Variants in ZNF185 observed in about 807,000 individuals in gnomAD.
ZNF185 encodes the protein zinc finger protein 185 with LIM domain, also known as zinc finger protein 185.
In ZNF185, 56 loss-of-function variants were observed where a neutral mutation model predicts 58.6. The ratio of observed to expected loss-of-function variants is 0.95; its 90% CI spans 0.77 to 1.19. The LOEUF (loss-of-function observed/expected upper bound fraction) is 1.19. Ranked by LOEUF, ZNF185 falls within the 50% of genes most tolerant of loss-of-function variation. The pLI is 0.00. For missense variants in ZNF185, 627 were observed against 573.5 expected, an observed-to-expected ratio of 1.09 and a Z score of -0.95; for synonymous variants, 230 against 215.9, an observed-to-expected ratio of 1.07 and a Z score of -0.57.
chrX:152,937,524 T>A (rs2046450834), intron 14 of ZNF185, among the ~76,000 whole-genome samples: 1 of 111,298 alleles, frequency 9.0e-6, no homozygotes. Flanking sequence ...GCTCTTGCTC[T>A]CTCTCTTTCT....
rs1556866225 is a variant in ZNF185, at chrX:152,917,118, T to C, written c.225-13T>C. ...AAGCCTCGCTTCACTCCACCCCTTC[T>C]TCTCTTCGGCAGGCCTCCGAGCACA... On this transcript the variant is annotated splice_polypyrimidine_tract_variant and intron_variant, in intron 3 of 22. Coordinates refer to ENST00000449285, the Ensembl canonical transcript of ZNF185. The C allele has an allele frequency of 2.5e-6, 3 of 1,211,668 alleles. No individual in the cohort carries two copies. Among genetic ancestry groups the C allele is most frequent in the Non-Finnish European group, 3.4e-6 (3 of 895,477 alleles).
intron 15 of ZNF185, among the ~76,000 whole-genome samples, chrX:152,938,720 T>G (rs1300904894): frequency 9.0e-6 from 1 of 111,112 alleles, no homozygotes; most frequent in Non-Finnish European, 1.9e-5. Flanking sequence ...TCTCATACGG[T>G]TCTCCTCACA....
At chrX:152,905,196 C>T in the ZNF185 span, among the ~76,000 whole-genome samples, 1 of 112,932 alleles carries the variant, frequency 8.9e-6, no homozygotes, top group Non-Finnish European at 1.9e-5. Flanking sequence ...GCGCCGGGGC[C>T]TCCTGAACAT....
At chrX:152,914,204 G>A, upstream of ZNF185, among the ~76,000 whole-genome samples, 1 of 111,807 alleles carries the variant, frequency 8.9e-6, no homozygotes, top group South Asian at 3.7e-4. Context: ...GGCAGCCCCT[G>A]AGCTCCACAT....
At chrX:152,939,122 G>A (rs964358689) in intron 15 of ZNF185, among the ~76,000 whole-genome samples, 42 of 111,810 alleles carry the variant, frequency 3.8e-4, no homozygotes, top group African/African-American at 1.3e-3. Context: ...AAGCCAAAGG[G>A]GAGTCTCATG....
intron 6 of ZNF185, among the ~76,000 whole-genome samples, chrX:152,918,489 C>T (rs1448727632): frequency 1.8e-5 from 2 of 113,030 alleles, no homozygotes; most frequent in African/African-American, 6.4e-5. Flanking sequence ...GCCCTGCACC[C>T]GGCCGAGCCT....
chrX:152,907,808 T>G, the ZNF185 span, among the ~76,000 whole-genome samples: 1 of 112,675 alleles, frequency 8.9e-6, no homozygotes, highest in Non-Finnish European at 1.9e-5. Context: ...GCAGAGGGTG[T>G]CAGAAAAGCC....
chrX:152,964,106 C>T (rs2049855687), intron 18 of ZNF185, among the ~76,000 whole-genome samples, 157 bp downstream of exon 20: 1 of 112,563 alleles, frequency 8.9e-6, no homozygotes, highest in Non-Finnish European at 1.9e-5. Context: ...CAGTGTTAGT[C>T]CCCTAATATA....
intron 11 of ZNF185, among the ~76,000 whole-genome samples, chrX:152,927,941 T>C (rs1215880907): frequency 8.9e-6 from 1 of 112,555 alleles, no homozygotes; most frequent in Non-Finnish European, 1.9e-5. Flanking sequence ...CTATATTCTC[T>C]CTGGCCCTGG....
At chrX:152,963,733 A>G (rs1456979882) in intron 17 of ZNF185, 106 bp from the exon 20 acceptor site, 5 of 626,322 alleles carry the variant, frequency 8.0e-6, no homozygotes, top group Non-Finnish European at 1.2e-5. Flanking sequence ...TCTTGGAGGA[A>G]GCTTCAAGAG....
upstream of ZNF185, among the ~76,000 whole-genome samples, chrX:152,910,219 T>G (rs1234499179): frequency 1.8e-5 from 2 of 111,843 alleles, no homozygotes; most frequent in African/African-American, 6.5e-5. Flanking sequence ...TGGTATCAAC[T>G]CTTGAGACTA....
Position 152,922,703 on chromosome X carries a change from G to A in ZNF185, c.741-17G>A, listed in dbSNP as rs782314993. The stretch of plus-strand genomic sequence containing the variant: ...TCTGACATCTCCAGAGCCTCTCACA[G>A]CCACCTTCTTTGCCAGTGCGGATGG... On this transcript the variant is annotated splice_polypyrimidine_tract_variant and intron_variant, in intron 10 of 22. Coordinates refer to ENST00000449285, the Ensembl canonical transcript of ZNF185. The A allele has an allele frequency of 1.7e-6, 2 of 1,189,232 alleles. No individual in the cohort carries two copies. The highest frequency in any genetic ancestry group is 3.7e-5 in the South Asian group (2 of 53,797).
At chrX:152,911,206 G>C (rs1029544401), upstream of ZNF185, among the ~76,000 whole-genome samples, 14 of 112,109 alleles carry the variant, frequency 1.2e-4, no homozygotes, top group African/African-American at 4.5e-4. Flanking sequence ...GCAGGGCTTA[G>C]CTCGGCGGAA....
intron 11 of ZNF185, among the ~76,000 whole-genome samples, chrX:152,923,788 A>G (rs1556870989): frequency 9.0e-6 from 1 of 111,671 alleles, no homozygotes; most frequent in African/African-American, 3.3e-5. Context: ...GGCAGTAATG[A>G]TCTCTAGCTT....
intron 16 of ZNF185, among the ~76,000 whole-genome samples, chrX:152,954,984 G>A (rs2048680792): frequency 2.7e-5 from 3 of 111,338 alleles, no homozygotes; most frequent in African/African-American, 6.5e-5. Context: ...GGGAAATGAC[G>A]TACAGAAATT....
At chrX:152,916,969 T>G (rs782339646) in intron 3 of ZNF185, among the ~76,000 whole-genome samples, 162 bp from the exon 5 acceptor site, 25 of 112,604 alleles carry the variant, frequency 2.2e-4, no homozygotes, top group African/African-American at 8.1e-4. Flanking sequence ...GGGCACCTGA[T>G]CAGGGGCACA....
exon 16 of ZNF185, chrX:152,945,382 C>G: frequency 1.7e-6 from 2 of 1,207,504 alleles, no homozygotes; most frequent in South Asian, 3.6e-5. Flanking sequence ...CGCTCAGCAA[C>G]CTGCAGATCC....
At chrX:152,938,266 G>C (rs1400974485) in intron 15 of ZNF185, 103 bp downstream of exon 17, 2 of 823,086 alleles carry the variant, frequency 2.4e-6, no homozygotes, top group African/African-American at 2.0e-5. Flanking sequence ...AGCAAGGTTT[G>C]TGAGCTGGCC....
chrX:152,902,451 G>C, the ZNF185 span, among the ~76,000 whole-genome samples: 19 of 112,924 alleles, frequency 1.7e-4, no homozygotes, highest in East Asian at 5.0e-3. Context: ...CGGCATCCCT[G>C]GTGAAAATGC....
Sources: gnomAD v4.1 joint callset for allele counts (sites outside exome capture counted in the v4.1 genomes callset) on GRCh38, gnomAD v4.1.1 for gene constraint, MANE v1.5 for transcripts, NCBI Gene and HGNC (gene_info 2026-07-23, HGNC 2026-07-21) for gene names.